Variants in LRP5 observed in about 807,000 individuals in gnomAD.
LRP5 encodes the protein low-density lipoprotein receptor-related protein 5.
A neutral mutation model predicts 154.1 loss-of-function variants in LRP5; 62 were observed. That is an observed-to-expected ratio of 0.40 (90% CI 0.33 to 0.50). LRP5 has a LOEUF of 0.50. LRP5 is among the 20% of genes least tolerant of loss of function. LRP5 has a pLI of 0.55. For synonymous variants in LRP5, 966 were observed against 1,011.5 expected (o/e 0.96, Z 0.85); for missense variants, 1,915 against 2,336.7 (o/e 0.82, Z 3.72).
chr11:68,309,023 T>C (rs1237413730), upstream of LRP5, among the ~76,000 whole-genome samples: 1 of 140,800 alleles, frequency 7.1e-6, no homozygotes, highest in Non-Finnish European at 1.5e-5. Flanking sequence ...AAGCTCCGCC[T>C]CCCAGGTTCA....
intron 1 of LRP5, among the ~76,000 whole-genome samples, chr11:68,344,182 TCTGTTTGGAC>T (rs2098610816): frequency 6.6e-6 from 1 of 152,192 alleles, no homozygotes; most frequent in Non-Finnish European, 1.5e-5. Context: ...TTCTTCGTTA[TCTGTTTGGAC>T]CTGTTTGGGG....
chr11:68,405,747 A>C (rs1284449449), intron 8 of LRP5, among the ~76,000 whole-genome samples: 1 of 152,270 alleles, frequency 6.6e-6, no homozygotes, highest in African/African-American at 2.4e-5. Context: ...GAGTGAAATT[A>C]ACAGACTGGC....
At chr11:68,397,972 T>TGTGTGTGTGTG (rs2098650381) in intron 7 of LRP5, among the ~76,000 whole-genome samples, 105 of 142,192 alleles carry the variant, frequency 7.4e-4, no homozygotes, top group Non-Finnish European at 1.4e-3. Flanking sequence ...CTGTGTGTGT[T>TGTGTGTGTGTG]TGTGTGTGTG....
intron 5 of LRP5, among the ~76,000 whole-genome samples, chr11:68,377,016 C>T (rs1189066934): frequency 6.6e-6 from 1 of 152,164 alleles, no homozygotes; most frequent in Non-Finnish European, 1.5e-5. Context: ...CGCGGTGGCT[C>T]ACGCCTGTAA....
chr11:68,321,175 C>T (rs1299425446), intron 1 of LRP5, among the ~76,000 whole-genome samples: 1 of 149,944 alleles, frequency 6.7e-6, no homozygotes, highest in Non-Finnish European at 1.5e-5. Flanking sequence ...GTAAATGCTG[C>T]TCTTTTATGT....
At position 68,343,592 on chromosome 11, in the gene LRP5, C is replaced by T. The variant is rs538390106; in HGVS notation, c.92-4255C>T. ...GTGATCCCTGCTCTGGCGGCCAGGA[C>T]GATGAGTGGGAACACACCGTGTGGG... On this transcript the variant is annotated intron_variant, in intron 1 of 22. Coordinates refer to ENST00000294304, the MANE Select transcript of LRP5 (RefSeq NM_002335.4). Among the ~76,000 whole-genome samples, 97 of 152,280 alleles carry T rather than the reference C, an allele frequency of 6.4e-4. 1 individual carries two copies. Among genetic ancestry groups the T allele is most frequent in the African/African-American group, 2.2e-3 (91 of 41,560 alleles).
At chr11:68,356,095 C>T (rs982613768) in intron 2 of LRP5, among the ~76,000 whole-genome samples, 9 of 151,220 alleles carry the variant, frequency 6.0e-5, no homozygotes, top group South Asian at 2.1e-4. Context: ...CCGCCCATCT[C>T]GGCCTCCCAA....
At chr11:68,334,926 T>C (rs907793546) in intron 1 of LRP5, among the ~76,000 whole-genome samples, 1 of 152,106 alleles carries the variant, frequency 6.6e-6, no homozygotes, top group African/African-American at 2.4e-5. Context: ...AGTTGGTTCT[T>C]GTTATTCTTG....
intron 1 of LRP5, among the ~76,000 whole-genome samples, chr11:68,345,961 A>G (rs889820164): frequency 2.0e-5 from 3 of 152,114 alleles, no homozygotes; most frequent in Non-Finnish European, 4.4e-5. Context: ...GGCCATTTAT[A>G]TGTCATCTTT....
intron 1 of LRP5, among the ~76,000 whole-genome samples, chr11:68,324,910 A>G (rs2098598784): frequency 6.6e-6 from 1 of 152,130 alleles, no homozygotes; most frequent in South Asian, 2.1e-4. Context: ...ACTGGGTGCT[A>G]GGCGCTGGGC....
chr11:68,349,197 T>C (rs1446390391), intron 2 of LRP5, among the ~76,000 whole-genome samples: 10 of 151,884 alleles, frequency 6.6e-5, no homozygotes, highest in Admixed American at 6.6e-4. Context: ...CACGCCCAGC[T>C]AATTTTTGTA....
At chr11:68,392,089 T>C (rs1286491960) in intron 7 of LRP5, among the ~76,000 whole-genome samples, 1 of 152,166 alleles carries the variant, frequency 6.6e-6, no homozygotes. Flanking sequence ...GCACAAGCGA[T>C]CCACCTGCCT....
intron 5 of LRP5, among the ~76,000 whole-genome samples, chr11:68,369,311 G>A (rs555490995): frequency 6.6e-6 from 1 of 152,290 alleles, no homozygotes; most frequent in Non-Finnish European, 1.5e-5. Context: ...GCAGGGCCTG[G>A]TGTCTGTTGC....
chr11:68,374,466 T>G (rs1000591552), intron 5 of LRP5, among the ~76,000 whole-genome samples: 1 of 152,110 alleles, frequency 6.6e-6, no homozygotes, highest in African/African-American at 2.4e-5. Flanking sequence ...AGCAAGAAAA[T>G]CAGCTCACAC....
rs531334905 is a variant in LRP5, at chr11:68,415,717, G to T, written c.2828-611G>T. Among the ~76,000 whole-genome samples the T allele has an allele frequency of 1.9e-3, 122 of 65,358 alleles. 32 individuals are homozygous for T. Among genetic ancestry groups the T allele is most frequent in the African/African-American group, 4.1e-3 (114 of 27,488 alleles). The allele number at this position is 65,358 out of a possible 152,430, so 42.9% of individuals were successfully genotyped here. On this transcript the variant is annotated intron_variant, in intron 12 of 22. Coordinates refer to ENST00000294304, the MANE Select transcript of LRP5 (RefSeq NM_002335.4). ...GCTCATTTTGTGCCACTGCACTCCA[G>T]CCTGGGCAACAAGAGCGAAACTCCA... is the stretch of plus-strand genomic sequence containing the variant.
At chr11:68,308,946 T>C (rs2098585794), upstream of LRP5, among the ~76,000 whole-genome samples, 1 of 118,328 alleles carries the variant, frequency 8.5e-6, no homozygotes, top group Non-Finnish European at 1.8e-5. Flanking sequence ...TTTTTTTTTT[T>C]TGAGACGGAG....
intron 1 of LRP5, among the ~76,000 whole-genome samples, chr11:68,326,417 C>T (rs956308193): frequency 1.1e-4 from 17 of 152,250 alleles, no homozygotes; most frequent in African/African-American, 4.1e-4. Context: ...CCTGCATCAG[C>T]GCCTCCCCAC....
At position 68,433,691 on chromosome 11, in the gene LRP5, G is replaced by A. The variant is rs749297859; in HGVS notation, c.3853G>A (p.Glu1285Lys). ...GGCCTGGCGCTGTGACGGCTTTCCCGAGTGCGATGACCAGAGCGACGAGGA... is the reference window on the plus strand; with the variant it reads ...GGCCTGGCGCTGTGACGGCTTTCCCAAGTGCGATGACCAGAGCGACGAGGA... ...PGAWRCDGFP[E>K]CDDQSDEEGC... Residue 1285 changes from glutamate (E) to lysine (K), a missense_variant, in exon 18 of 23, where the codon GAG becomes AAG. Glu to Lys is a moderately conservative substitution (Grantham distance 56, BLOSUM62 1). Transcript: ENST00000294304. 8 of 1,613,242 alleles carry A rather than the reference G, an allele frequency of 5.0e-6. No individual in the cohort carries two copies. Among genetic ancestry groups the A allele is most frequent in the Admixed American group, 1.7e-5 (1 of 60,032 alleles).
At chr11:68,336,951 G>A (rs2098606034) in intron 1 of LRP5, among the ~76,000 whole-genome samples, 1 of 152,232 alleles carries the variant, frequency 6.6e-6, no homozygotes, top group African/African-American at 2.4e-5. Flanking sequence ...AAACAATGGT[G>A]CAGCAGAAGC....
Sources: gnomAD v4.1 joint callset for allele counts (sites outside exome capture counted in the v4.1 genomes callset) on GRCh38, gnomAD v4.1.1 for gene constraint, MANE v1.5 for transcripts, NCBI Gene and HGNC (gene_info 2026-07-23, HGNC 2026-07-21) for gene names.